Variants in SGCZ observed in about 807,000 individuals in gnomAD.
SGCZ encodes the protein zeta-sarcoglycan.
SGCZ carries 40 observed loss-of-function variants against 41.3 expected under a neutral mutation model. The observed-to-expected ratio is 0.97, with a 90% CI of 0.75 to 1.26. The LOEUF (loss-of-function observed/expected upper bound fraction) is 1.26, where lower values mean the gene tolerates loss of function less well. Among genes scored for constraint, SGCZ ranks in the 50% most tolerant of loss-of-function variants. The probability of loss-of-function intolerance (pLI) is 0.00; values close to 1 mark genes in which losing one functional copy is unlikely to be tolerated. For synonymous variants in SGCZ, 206 were observed against 137.5 expected (o/e 1.50, Z -3.49); for missense variants, 552 against 369.8 (o/e 1.49, Z -4.04).
At chr8:14,577,136 T>C (rs369099794) in intron 1 of SGCZ, among the ~76,000 whole-genome samples, 9 of 152,338 alleles carry the variant, frequency 5.9e-5, no homozygotes, top group African/African-American at 2.2e-4. Flanking sequence ...ATTAAGTGCA[T>C]TTGCATTTGA....
chr8:14,413,672 T>C (rs1799420026), intron 2 of SGCZ, among the ~76,000 whole-genome samples: 1 of 152,016 alleles, frequency 6.6e-6, no homozygotes, highest in Non-Finnish European at 1.5e-5. Flanking sequence ...ATAAAGCACA[T>C]TTTACCTCTT....
At chr8:15,140,592 T>G (rs374236360) in intron 1 of SGCZ, among the ~76,000 whole-genome samples, 1 of 152,122 alleles carries the variant, frequency 6.6e-6, no homozygotes. Flanking sequence ...AAACCAAAAA[T>G]GACCCATATT....
At chr8:14,823,937 G>GA (rs1396497169) in intron 1 of SGCZ, among the ~76,000 whole-genome samples, 16 of 151,972 alleles carry the variant, frequency 1.1e-4, no homozygotes, top group Admixed American at 1.0e-3. Flanking sequence ...CAACATGGAT[G>GA]AACACAGAGG....
intron 1 of SGCZ, among the ~76,000 whole-genome samples, chr8:14,942,867 A>C (rs890187025): frequency 2.0e-5 from 3 of 152,072 alleles, no homozygotes; most frequent in Admixed American, 6.6e-5. Context: ...CTCATTTCCA[A>C]GTTCTCAGAG....
At chr8:14,620,292 G>C (rs1806241099) in intron 1 of SGCZ, among the ~76,000 whole-genome samples, 2 of 152,212 alleles carry the variant, frequency 1.3e-5, no homozygotes, top group South Asian at 4.2e-4. Context: ...ATTAATTCAA[G>C]ATGGATTAAA....
chr8:15,112,041 C>T (rs1360403042), intron 1 of SGCZ, among the ~76,000 whole-genome samples: 1 of 152,222 alleles, frequency 6.6e-6, no homozygotes, highest in South Asian at 2.1e-4. Flanking sequence ...TCTGGTAACA[C>T]TATGAGCACT....
chr8:14,464,600 T>C (rs1419818244), intron 2 of SGCZ, among the ~76,000 whole-genome samples: 3 of 151,476 alleles, frequency 2.0e-5, no homozygotes, highest in Non-Finnish European at 4.4e-5. Flanking sequence ...TGTTTATCTC[T>C]GCTTTAGTCT....
intron 1 of SGCZ, among the ~76,000 whole-genome samples, chr8:14,900,241 T>C (rs891750563): frequency 6.6e-6 from 1 of 152,312 alleles, no homozygotes; most frequent in Admixed American, 6.5e-5. Context: ...TAGTAAATAC[T>C]GAGCATATCT....
chr8:14,518,293 T>G (rs545023471), intron 2 of SGCZ, among the ~76,000 whole-genome samples: 1 of 152,192 alleles, frequency 6.6e-6, no homozygotes, highest in Middle Eastern at 3.4e-3. Flanking sequence ...GAAAATGACA[T>G]ATTCTAATAT....
intron 2 of SGCZ, among the ~76,000 whole-genome samples, chr8:14,451,838 T>C (rs2116928257): frequency 6.6e-6 from 1 of 152,314 alleles, no homozygotes; most frequent in African/African-American, 2.4e-5. Context: ...CCCCAAATAC[T>C]GGTGAAGACA....
chr8:14,679,408 G>C (rs368682545), intron 1 of SGCZ, among the ~76,000 whole-genome samples: 14 of 151,820 alleles, frequency 9.2e-5, no homozygotes, highest in African/African-American at 3.1e-4. Context: ...ACAGGGGGAA[G>C]ACAGTGACAT....
chr8:14,779,365 C>T (rs907489646), intron 1 of SGCZ, among the ~76,000 whole-genome samples: 1 of 152,132 alleles, frequency 6.6e-6, no homozygotes, highest in African/African-American at 2.4e-5. Context: ...GTCAATTTTC[C>T]AGCACTAATT....
intron 2 of SGCZ, among the ~76,000 whole-genome samples, chr8:14,450,161 T>C (rs578247045): frequency 5.3e-5 from 8 of 152,318 alleles, no homozygotes; most frequent in African/African-American, 1.9e-4. Flanking sequence ...CATAAGGCCA[T>C]GGCTGTGTGA....
intron 1 of SGCZ, among the ~76,000 whole-genome samples, chr8:14,884,966 C>T (rs538843889): frequency 1.5e-4 from 23 of 152,166 alleles, no homozygotes; most frequent in African/African-American, 4.8e-4. Flanking sequence ...TTTCTTCATT[C>T]CAGAAAAAAT....
intron 2 of SGCZ, among the ~76,000 whole-genome samples, chr8:14,425,069 T>C (rs1238636751): frequency 1.3e-5 from 2 of 152,142 alleles, no homozygotes; most frequent in Non-Finnish European, 2.9e-5. Flanking sequence ...TATTCCATTT[T>C]TAAATTTCGT....
At chr8:14,098,659 A>G (rs1189454554) in intron 7 of SGCZ, among the ~76,000 whole-genome samples, 1 of 152,172 alleles carries the variant, frequency 6.6e-6, no homozygotes, top group Non-Finnish European at 1.5e-5. Flanking sequence ...TTCACCTTGA[A>G]GAAATATTAA....
chr8:14,562,399 C>T (rs572373465), intron 1 of SGCZ, among the ~76,000 whole-genome samples: 1 of 151,928 alleles, frequency 6.6e-6, no homozygotes, highest in African/African-American at 2.4e-5. Context: ...AAATAAATAA[C>T]AACATTATCA....
chr8:14,687,595 T>A (rs550213809), intron 1 of SGCZ, among the ~76,000 whole-genome samples: 20 of 152,070 alleles, frequency 1.3e-4, no homozygotes, highest in African/African-American at 4.1e-4. Flanking sequence ...AGTCTATCAT[T>A]GTTGGACATT....
chr8:14,476,069 T>C (rs1801350702), intron 2 of SGCZ, among the ~76,000 whole-genome samples: 2 of 152,114 alleles, frequency 1.3e-5, no homozygotes, highest in East Asian at 3.9e-4. Context: ...CTTCCCAAAG[T>C]ATTGGGATTA....
Sources: allele counts gnomAD v4.1 joint callset (sites outside exome capture counted in the v4.1 genomes callset), GRCh38; gene constraint gnomAD v4.1.1; transcripts MANE v1.5; gene names NCBI Gene and HGNC (gene_info 2026-07-23, HGNC 2026-07-21).